Variants in SLCO5A1 observed in about 807,000 individuals in gnomAD.
SLCO5A1 encodes the protein organic anion transporter polypeptide-related protein 4.
In SLCO5A1, 39 loss-of-function variants were observed where a neutral mutation model predicts 65.1. The observed-to-expected ratio is 0.60, with a 90% CI of 0.46 to 0.78. The LOEUF is 0.78. Among genes scored for constraint, SLCO5A1 ranks in the 30% least tolerant of loss-of-function variants. SLCO5A1 has a pLI of 0.00. For missense variants in SLCO5A1, 1,029 were observed against 1,069.4 expected, an observed-to-expected ratio of 0.96 and a Z score of 0.53; for synonymous variants, 438 against 415.7, an observed-to-expected ratio of 1.05 and a Z score of -0.65.
intron 5 of SLCO5A1, among the ~76,000 whole-genome samples, chr8:69,721,891 G>A (rs1450836567): frequency 1.3e-5 from 2 of 152,134 alleles, no homozygotes; most frequent in East Asian, 1.9e-4. Flanking sequence ...GTATTTATAA[G>A]CCAGGCACGA....
chr8:69,821,580 G>A (rs1820645362), intron 2 of SLCO5A1, among the ~76,000 whole-genome samples: 1 of 151,842 alleles, frequency 6.6e-6, no homozygotes, highest in South Asian at 2.1e-4. Context: ...AGGCTGAGGA[G>A]GGCAGATCAC....
chr8:69,741,230 G>A (rs986685428), intron 4 of SLCO5A1, among the ~76,000 whole-genome samples: 8 of 152,132 alleles, frequency 5.3e-5, no homozygotes, highest in East Asian at 3.9e-4. Context: ...TGTGCCTTAC[G>A]GAGAAAATAC....
intron 4 of SLCO5A1, among the ~76,000 whole-genome samples, chr8:69,739,464 C>T (rs1017921246): frequency 6.6e-6 from 1 of 152,018 alleles, no homozygotes; most frequent in African/African-American, 2.4e-5. Flanking sequence ...CTTTATGTAT[C>T]TTCATAGAAA....
In SLCO5A1 at chr8:69,764,970, G is replaced by A. The variant is rs572260121; in HGVS notation, c.908-3095C>T. The stretch of plus-strand genomic sequence containing the variant: ...AGGCCAGACACACAATATCCAGTAA[G>A]AGGAAAATTCATTAAATAGCATTCA... On this transcript the variant is annotated intron_variant, in intron 2 of 9. Coordinates refer to ENST00000260126, the MANE Select transcript of SLCO5A1 (RefSeq NM_030958.3). 2.0e-5 allele frequency among the ~76,000 whole-genome samples: 3 copies of A among 152,280 alleles called. No homozygotes were observed. The South Asian group carries it at 6.2e-4, about 32-fold the overall frequency.
intron 5 of SLCO5A1, among the ~76,000 whole-genome samples, chr8:69,710,019 CTTTT>C (rs33961429): frequency 8.1e-6 from 1 of 122,902 alleles, no homozygotes; most frequent in African/African-American, 3.1e-5. Flanking sequence ...TCGGCAACAG[CTTTT>C]TTTTTTTTTT....
chr8:69,671,912 C>T lies in SLCO5A1; in HGVS notation c.*957G>A, dbSNP rs983571484. 1.3e-5 allele frequency: 2 copies of T among 152,150 alleles called. No homozygotes were observed. Among genetic ancestry groups the T allele is most frequent in the Non-Finnish European group, 2.9e-5 (2 of 68,026 alleles). 9.4% of individuals were successfully genotyped at this position (152,150 alleles called of 1,614,324 possible). A position where few individuals can be genotyped will look rare whatever the true frequency, so the allele number is the denominator to read the frequency against. Reference sequence around the variant, plus strand: ...AAAAAAAGAAAACCACACAGATTTGCCAGTGCTTTCAAGATGTAACTAAAA... The same window carrying T: ...AAAAAAAGAAAACCACACAGATTTGTCAGTGCTTTCAAGATGTAACTAAAA... On this transcript the variant is annotated 3_prime_UTR_variant, in exon 10 of 10. Transcript: ENST00000260126.
At chr8:69,774,244 G>A (rs928467460) in intron 2 of SLCO5A1, among the ~76,000 whole-genome samples, 2 of 152,162 alleles carry the variant, frequency 1.3e-5, no homozygotes, top group Admixed American at 1.3e-4. Context: ...TAGGCTCCTG[G>A]TGCTAGGCCC....
At chr8:69,726,505 T>A (rs1030509137) in intron 5 of SLCO5A1, among the ~76,000 whole-genome samples, 1 of 148,580 alleles carries the variant, frequency 6.7e-6, no homozygotes, top group Non-Finnish European at 1.5e-5. Flanking sequence ...CCTTTTTTTT[T>A]TTTTTTTTTG....
intron 2 of SLCO5A1, among the ~76,000 whole-genome samples, chr8:69,825,940 CA>C (rs1293288488): frequency 1.3e-5 from 2 of 152,112 alleles, no homozygotes; most frequent in Admixed American, 6.5e-5. Context: ...AGATATAGAT[CA>C]ATGGAACAGA....
chr8:69,804,182 A>G (rs1036110261), intron 2 of SLCO5A1, among the ~76,000 whole-genome samples: 1 of 152,218 alleles, frequency 6.6e-6, no homozygotes, highest in African/African-American at 2.4e-5. Context: ...CTGAGACTAG[A>G]CATTAGAATT....
chr8:69,687,475 T>G (rs1054717937), intron 6 of SLCO5A1, among the ~76,000 whole-genome samples: 10 of 152,228 alleles, frequency 6.6e-5, no homozygotes, highest in African/African-American at 2.4e-4. Flanking sequence ...GAAACTTACA[T>G]GTAATAACCC....
chr8:69,739,733 G>A (rs544468294), intron 4 of SLCO5A1, among the ~76,000 whole-genome samples: 2 of 152,120 alleles, frequency 1.3e-5, no homozygotes, highest in South Asian at 4.1e-4. Context: ...AAATTAAGAT[G>A]CATGCTTTAT....
At chr8:69,703,665 C>G (rs1342167213) in intron 6 of SLCO5A1, among the ~76,000 whole-genome samples, 1 of 152,180 alleles carries the variant, frequency 6.6e-6, no homozygotes, top group Non-Finnish European at 1.5e-5. Context: ...AGCCAAATTG[C>G]CTGAGGTTAA....
chr8:69,691,752 G>A (rs1198906409), intron 6 of SLCO5A1, among the ~76,000 whole-genome samples: 2 of 152,152 alleles, frequency 1.3e-5, no homozygotes, highest in South Asian at 2.1e-4. Context: ...GCATCATCAG[G>A]TGGTTTCATC....
intron 5 of SLCO5A1, among the ~76,000 whole-genome samples, chr8:69,711,015 C>CAG (rs1815220718): frequency 6.6e-6 from 1 of 151,860 alleles, no homozygotes; most frequent in Admixed American, 6.6e-5. Flanking sequence ...TCATACTGTC[C>CAG]CCCCCACTCA....
intron 4 of SLCO5A1, among the ~76,000 whole-genome samples, chr8:69,750,451 C>A (rs1341952757): frequency 6.6e-6 from 1 of 152,060 alleles, no homozygotes; most frequent in African/African-American, 2.4e-5. Context: ...GAAAAGAAAT[C>A]GAAGAACTCA....
At chr8:69,793,698 A>C (rs2130894886) in intron 2 of SLCO5A1, among the ~76,000 whole-genome samples, 1 of 152,088 alleles carries the variant, frequency 6.6e-6, no homozygotes, top group South Asian at 2.1e-4. Flanking sequence ...GAATCACTTG[A>C]ACCCAGGAGA....
intron 2 of SLCO5A1, among the ~76,000 whole-genome samples, chr8:69,764,961 AT>A (rs1817987269): frequency 6.6e-6 from 1 of 152,236 alleles, no homozygotes; most frequent in Non-Finnish European, 1.5e-5. Flanking sequence ...GACACACAAT[AT>A]CCAGTAAGAG....
intron 4 of SLCO5A1, among the ~76,000 whole-genome samples, chr8:69,739,672 G>A (rs996369043): frequency 1.3e-5 from 2 of 151,918 alleles, no homozygotes; most frequent in Non-Finnish European, 2.9e-5. Flanking sequence ...TAAATTTAAT[G>A]TTCTATATTT....
Sources: gnomAD v4.1 joint callset for allele counts (sites outside exome capture counted in the v4.1 genomes callset) on GRCh38, gnomAD v4.1.1 for gene constraint, MANE v1.5 for transcripts, NCBI Gene and HGNC (gene_info 2026-07-23, HGNC 2026-07-21) for gene names.